The following ASTN2 variants were observed in gnomAD, a reference collection of about 807,000 sequenced individuals.
ASTN2 encodes the protein astrotactin-2.
A neutral mutation model predicts 139.8 loss-of-function variants in ASTN2; 54 were observed. The observed-to-expected ratio is 0.39, with a 90% CI of 0.31 to 0.48. The LOEUF (loss-of-function observed/expected upper bound fraction) is 0.48. Ranked by LOEUF, ASTN2 falls within the 20% of genes least tolerant of loss-of-function variation. The pLI is 0.95. For missense variants in ASTN2, 1,565 were observed against 1,725.1 expected, an observed-to-expected ratio of 0.91 and a Z score of 1.64; for synonymous variants, 756 against 719.5, an observed-to-expected ratio of 1.05 and a Z score of -0.81.
chr9:117,158,273 T>G (rs951182822), intron 3 of ASTN2, among the ~76,000 whole-genome samples: 1 of 151,902 alleles, frequency 6.6e-6, no homozygotes, highest in Non-Finnish European at 1.5e-5. Context: ...TCAAAGGAAA[T>G]AGAAAACAGG....
intron 2 of ASTN2, among the ~76,000 whole-genome samples, chr9:117,217,376 T>A (rs1015265292): frequency 1.2e-4 from 18 of 152,232 alleles, no homozygotes; most frequent in African/African-American, 4.3e-4. Context: ...ACTCAGTATA[T>A]CCCGATTATG....
rs573686804 is a variant in ASTN2, at chr9:117,324,662, T to C, written c.443-33149A>G. On this transcript the variant is annotated intron_variant, in intron 1 of 22. Transcript: ENST00000313400. The stretch of plus-strand genomic sequence containing the variant: ...CACAGACAAACCATATCATGGATCC[T>C]TCAAAAAACTAGAAAAAAAATTATG... Among the ~76,000 whole-genome samples the C allele has an allele frequency of 6.6e-5, 10 of 152,180 alleles. No homozygotes were observed. In the South Asian group the frequency reaches 2.1e-3, roughly 32 times the overall value.
intron 2 of ASTN2, among the ~76,000 whole-genome samples, chr9:117,237,794 CTGTGTGCCA>C (rs1211775599): frequency 2.0e-5 from 3 of 152,200 alleles, no homozygotes; most frequent in Admixed American, 6.5e-5. Context: ...TGAGTTCTGC[CTGTGTGCCA>C]TGTGTGCCAT....
intron 19 of ASTN2, among the ~76,000 whole-genome samples, chr9:116,528,434 T>C (rs1411064845): frequency 6.6e-6 from 1 of 152,208 alleles, no homozygotes; most frequent in South Asian, 2.1e-4. Context: ...GTCATATGTG[T>C]TCACAAAGAG....
At chr9:116,757,707 T>TTATCTTCCCAGAACATATGAC (rs1829571484) in intron 13 of ASTN2, among the ~76,000 whole-genome samples, 1 of 152,032 alleles carries the variant, frequency 6.6e-6, no homozygotes, top group Non-Finnish European at 1.5e-5. Flanking sequence ...CACAGAATAT[T>TTATCTTCCCAGAACATATGAC]TATCTTCCCA....
At chr9:116,679,537 G>T (rs889855062) in intron 16 of ASTN2, among the ~76,000 whole-genome samples, 1 of 152,142 alleles carries the variant, frequency 6.6e-6, no homozygotes, top group African/African-American at 2.4e-5. Context: ...GTGTGCCACA[G>T]AGGTAACAAA....
At chr9:117,080,533 A>C (rs929246424) in intron 5 of ASTN2, among the ~76,000 whole-genome samples, 9 of 152,216 alleles carry the variant, frequency 5.9e-5, no homozygotes, top group Non-Finnish European at 1.3e-4. Flanking sequence ...TTATGGTTGC[A>C]AGGATAAGAA....
chr9:117,249,566 T>C (rs531760314), intron 2 of ASTN2, among the ~76,000 whole-genome samples: 53 of 152,118 alleles, frequency 3.5e-4, no homozygotes, highest in Admixed American at 9.2e-4. Flanking sequence ...AAAGTTCCTC[T>C]AAGCATGACG....
At chr9:116,847,350 G>A (rs1832469771) in intron 11 of ASTN2, among the ~76,000 whole-genome samples, 1 of 152,136 alleles carries the variant, frequency 6.6e-6, no homozygotes, top group Non-Finnish European at 1.5e-5. Context: ...TCTTGACCTT[G>A]TGATCTACCC....
chr9:117,222,706 G>A (rs897656039), intron 2 of ASTN2, among the ~76,000 whole-genome samples: 20 of 152,132 alleles, frequency 1.3e-4, no homozygotes, highest in African/African-American at 4.6e-4. Flanking sequence ...GAACTCCTAG[G>A]CTTTTCCCTT....
At position 117,414,605 on chromosome 9, in the gene ASTN2, C is replaced by T. The variant is rs746249935; in HGVS notation, c.334G>A (p.Gly112Ser). Residue 112 changes from glycine to serine, a missense_variant, in exon 1 of 23, where the codon GGC (glycine) becomes AGC (serine). By Grantham distance (56) the Gly-to-Ser change is moderately conservative (BLOSUM62 0). Coordinates refer to ENST00000313400, the MANE Select transcript of ASTN2 (RefSeq NM_001365068.1). The surrounding 1 kb of genome is among the most constrained non-coding windows in gnomAD (Gnocchi z 4.2). ...AASPGSPGSA[G>S]TAAESRLLLF... is the part of the protein sequence containing the mutation. ...AGGAGGCGCGACTCGGCGGCGGTGC[C>T]GGCAGAGCCAGGAGAGCCCGGGGAC... is the stretch of plus-strand genomic sequence containing the variant. 2 of 1,567,748 alleles carry T rather than the reference C, an allele frequency of 1.3e-6. No homozygotes were observed. Among genetic ancestry groups the T allele is most frequent in the East Asian group, 2.5e-5 (1 of 39,342 alleles).
chr9:116,538,296 G>A (rs941504269), intron 19 of ASTN2, among the ~76,000 whole-genome samples: 3 of 151,826 alleles, frequency 2.0e-5, no homozygotes, highest in African/African-American at 7.3e-5. Context: ...GAGGAATGAA[G>A]GAAGGGAATG....
Position 116,995,247 on chromosome 9 carries a change from T to C in ASTN2, c.1591+12845A>G, listed in dbSNP as rs564496899. 8.8e-4 allele frequency among the ~76,000 whole-genome samples: 134 copies of C among 152,314 alleles called. 1 individual carries two copies. In the South Asian group the frequency reaches 0.019, roughly 22 times the overall value. ...TCAAAGCCAGAACACTGGCTTTCAA[T>C]AAAGATTTTCAGTATACAGAACTTC... On this transcript the variant is annotated intron_variant, in intron 7 of 22. Coordinates refer to ENST00000313400, the MANE Select transcript of ASTN2 (RefSeq NM_001365068.1).
intron 16 of ASTN2, among the ~76,000 whole-genome samples, chr9:116,695,331 C>A (rs1187185789): frequency 6.6e-6 from 1 of 152,070 alleles, no homozygotes; most frequent in African/African-American, 2.4e-5. Flanking sequence ...TAGTAACTAG[C>A]ATATAATAGG....
chr9:116,501,937 G>C (rs1450833874), intron 19 of ASTN2, among the ~76,000 whole-genome samples: 2 of 150,664 alleles, frequency 1.3e-5, no homozygotes, highest in Non-Finnish European at 2.9e-5. Context: ...CTCCATACTC[G>C]CACTTGCACA....
In ASTN2 at chr9:116,557,028, T is replaced by C. The variant is rs544059977; in HGVS notation, c.3355+61296A>G. ...ACGAGGTTAGGAGATCGAGACCATCTGGCTAACATGGTGAAACCCCGCCTC... is the reference window on the plus strand; with the variant it reads ...ACGAGGTTAGGAGATCGAGACCATCCGGCTAACATGGTGAAACCCCGCCTC... On this transcript the variant is annotated intron_variant, in intron 19 of 22. Transcript: ENST00000313400. 2.4e-3 allele frequency among the ~76,000 whole-genome samples: 367 copies of C among 151,772 alleles called. 1 individual carries two copies. The highest frequency in any genetic ancestry group is 7.6e-3 in the African/African-American group (315 of 41,464).
chr9:116,461,667 A>T (rs1183638075), intron 20 of ASTN2, among the ~76,000 whole-genome samples: 4 of 152,082 alleles, frequency 2.6e-5, no homozygotes, highest in African/African-American at 4.8e-5. Context: ...TCATAGGCCA[A>T]TGTATTCCAG....
chr9:116,644,299 G>A (rs969455410), intron 17 of ASTN2, among the ~76,000 whole-genome samples: 1 of 152,164 alleles, frequency 6.6e-6, no homozygotes, highest in Non-Finnish European at 1.5e-5. Context: ...CACAAGACTA[G>A]AATTACACAT....
At chr9:117,167,044 T>G (rs1431050373) in intron 3 of ASTN2, among the ~76,000 whole-genome samples, 1 of 152,150 alleles carries the variant, frequency 6.6e-6, no homozygotes, top group African/African-American at 2.4e-5. Flanking sequence ...TTTTGTAATT[T>G]AGAAAGATGA....
Sources: gnomAD v4.1 joint callset for allele counts (sites outside exome capture counted in the v4.1 genomes callset) on GRCh38, gnomAD v4.1.1 for gene constraint, Gnocchi (gnomAD v3.1) non-coding constraint, MANE v1.5 for transcripts, NCBI Gene and HGNC (gene_info 2026-07-23, HGNC 2026-07-21) for gene names.